The following ROR2 variants were observed in gnomAD, a reference collection of about 807,000 sequenced individuals.
ROR2 encodes the protein tyrosine-protein kinase transmembrane receptor ROR2.
In ROR2, 33 loss-of-function variants were observed where a neutral mutation model predicts 74.9. The ratio of observed to expected loss-of-function variants is 0.44; its 90% CI spans 0.33 to 0.59. The LOEUF (loss-of-function observed/expected upper bound fraction) is 0.59. ROR2 is among the 20% of genes least tolerant of loss of function. The pLI, the probability that ROR2 is intolerant of heterozygous loss-of-function variation, is 0.02. For synonymous variants in ROR2, 586 were observed against 558.7 expected (o/e 1.05, Z -0.69); for missense variants, 1,216 against 1,313.8 (o/e 0.93, Z 1.15).
chr9:91,765,804 G>A (rs1400574830), intron 2 of ROR2, among the ~76,000 whole-genome samples: 2 of 152,202 alleles, frequency 1.3e-5, no homozygotes, highest in Non-Finnish European at 2.9e-5. Context: ...GGAAACCCAA[G>A]GCTCTTGATG....
At chr9:91,803,830 C>G (rs772353639) in intron 1 of ROR2, among the ~76,000 whole-genome samples, 36 of 152,246 alleles carry the variant, frequency 2.4e-4, no homozygotes, top group Admixed American at 8.5e-4. Flanking sequence ...GACCTTCAGT[C>G]ATTTTCAAGA....
intron 1 of ROR2, among the ~76,000 whole-genome samples, chr9:91,928,813 G>C (rs1831475417): frequency 6.6e-6 from 1 of 152,200 alleles, no homozygotes; most frequent in Admixed American, 6.5e-5. Context: ...CCCGTTCAGT[G>C]GTGTCAATCA....
intron 1 of ROR2, among the ~76,000 whole-genome samples, chr9:91,793,448 A>G (rs1194280774): frequency 1.3e-5 from 2 of 152,168 alleles, no homozygotes; most frequent in East Asian, 1.9e-4. Context: ...ACTTAAGCAT[A>G]TAATACAAAA....
At chr9:91,855,327 T>G (rs947483965) in intron 1 of ROR2, among the ~76,000 whole-genome samples, 2 of 151,984 alleles carry the variant, frequency 1.3e-5, no homozygotes, top group Non-Finnish European at 2.9e-5. Context: ...CCCACAGGAG[T>G]GTCTGAGCGT....
intron 1 of ROR2, among the ~76,000 whole-genome samples, chr9:91,823,643 G>C (rs974099225): frequency 6.6e-6 from 1 of 152,194 alleles, no homozygotes; most frequent in Non-Finnish European, 1.5e-5. Flanking sequence ...GTGGGGGCAA[G>C]AAACAGCATA....
intron 1 of ROR2, among the ~76,000 whole-genome samples, chr9:91,790,116 C>A (rs1826922764): frequency 6.6e-6 from 1 of 152,128 alleles, no homozygotes; most frequent in Admixed American, 6.5e-5. Flanking sequence ...CTGGAAAATT[C>A]TTATCACCTA....
chr9:91,777,389 C>CCACACACA (rs112876626), intron 1 of ROR2, among the ~76,000 whole-genome samples: 1 of 149,840 alleles, frequency 6.7e-6, no homozygotes, highest in Non-Finnish European at 1.5e-5. Flanking sequence ...AACAAAACTG[C>CCACACACA]CACACACACA....
At chr9:91,892,055 A>G (rs192749275) in intron 1 of ROR2, among the ~76,000 whole-genome samples, 3,802 of 132,262 alleles carry the variant, frequency 0.029, 86 homozygotes, top group Admixed American at 0.086. Flanking sequence ...CTAAGAAGAA[A>G]AAAAAAAAAA....
intron 1 of ROR2, among the ~76,000 whole-genome samples, chr9:91,874,417 T>A (rs1007052784): frequency 6.7e-6 from 1 of 150,202 alleles, no homozygotes; most frequent in African/African-American, 2.5e-5. Flanking sequence ...AAGTATTTAA[T>A]TGATGAACTA....
At chr9:91,884,787 C>T (rs988126354) in intron 1 of ROR2, among the ~76,000 whole-genome samples, 7 of 150,524 alleles carry the variant, frequency 4.7e-5, no homozygotes, top group Non-Finnish European at 8.9e-5. Context: ...TTTTTTTTTT[C>T]TAAATGAATG....
In ROR2 at chr9:91,725,048, G is replaced by A; in HGVS notation, c.1446C>T (p.Asp482=). 6.2e-7 allele frequency: 1 copy of A among 1,614,026 alleles called. No individual in the cohort carries two copies. The highest frequency in any genetic ancestry group is 8.5e-7 in the Non-Finnish European group (1 of 1,180,052). The stretch of plus-strand genomic sequence containing the variant: ...GACCTTTGTAGACTTTCCCAAACCG[G>A]TCCTCTCCCAGCTCCTCCATGAACC... The part of the protein sequence containing the change: ...AVRFMEELGE[D]RFGKVYKGHL... The change falls in exon 9 of 9, where the codon GAC becomes GAT. Residue 482 remains aspartate (D), a synonymous_variant. Coordinates refer to ENST00000375708, the MANE Select transcript of ROR2 (RefSeq NM_004560.4).
chr9:91,723,681 T>C lies in ROR2; in HGVS notation c.2813A>G (p.Gln938Arg). Residue 938 changes from glutamine (Q) to arginine (R), a missense_variant, in exon 9 of 9, where the codon CAA becomes CGA. Physicochemically the swap from Gln to Arg is conservative, Grantham distance 43. Transcript: ENST00000375708. ...DCDTLQVDEA[Q>R]VQLEA is the part of the protein sequence containing the mutation. ...TGCCACTCAAGCTTCCAGCTGGACTTGGGCCTCGTCCACCTGCAGAGTGTC... is the reference window on the plus strand; with the variant it reads ...TGCCACTCAAGCTTCCAGCTGGACTCGGGCCTCGTCCACCTGCAGAGTGTC... 2 of 1,613,826 alleles carry C rather than the reference T, an allele frequency of 1.2e-6. No individual in the cohort carries two copies. The highest frequency in any genetic ancestry group is 8.5e-7 in the Non-Finnish European group (1 of 1,179,954).
At chr9:91,771,501 G>A (rs547729213) in intron 2 of ROR2, among the ~76,000 whole-genome samples, 46 of 152,300 alleles carry the variant, frequency 3.0e-4, no homozygotes, top group African/African-American at 1.1e-3. Context: ...ATGTAACAAC[G>A]AAGACAAAGC....
rs959844235 is a variant in ROR2, at chr9:91,873,520, G to A, written c.97+76347C>T. Among the ~76,000 whole-genome samples the A allele has an allele frequency of 7.2e-5, 11 of 152,252 alleles. 1 individual carries two copies. The highest frequency in any genetic ancestry group is 5.2e-4 in the Admixed American group (8 of 15,294). ...GGAGAATTGCTTGAACCCGGGAGGCGGAGGTTGCAGTGAGCCAAGATCGTG... is the reference window on the plus strand; with the variant it reads ...GGAGAATTGCTTGAACCCGGGAGGCAGAGGTTGCAGTGAGCCAAGATCGTG... On this transcript the variant is annotated intron_variant, in intron 1 of 8. Coordinates refer to ENST00000375708, the MANE Select transcript of ROR2 (RefSeq NM_004560.4).
intron 2 of ROR2, among the ~76,000 whole-genome samples, chr9:91,766,597 T>C (rs981246975): frequency 6.6e-6 from 1 of 152,216 alleles, no homozygotes; most frequent in Admixed American, 6.5e-5. Context: ...TATTTCTTTC[T>C]CCATTGGTGT....
intron 2 of ROR2, among the ~76,000 whole-genome samples, chr9:91,768,006 C>T (rs1315071924): frequency 6.6e-6 from 1 of 152,132 alleles, no homozygotes; most frequent in East Asian, 1.9e-4. Flanking sequence ...ACAACACTGT[C>T]CTTACAGGAA....
intron 1 of ROR2, among the ~76,000 whole-genome samples, chr9:91,859,138 A>G (rs1829390001): frequency 6.6e-6 from 1 of 152,044 alleles, no homozygotes; most frequent in Non-Finnish European, 1.5e-5. Flanking sequence ...AGGGCAAGGT[A>G]AAGACCCTAG....
chr9:91,935,291 G>C (rs1329236602), intron 1 of ROR2, among the ~76,000 whole-genome samples: 1 of 152,218 alleles, frequency 6.6e-6, no homozygotes, highest in Non-Finnish European at 1.5e-5. Flanking sequence ...CTGCCCTGCG[G>C]GCTCCACAAA....
At chr9:91,754,328 T>C (rs760939661) in intron 4 of ROR2, among the ~76,000 whole-genome samples, 6 of 151,296 alleles carry the variant, frequency 4.0e-5, no homozygotes, top group Non-Finnish European at 8.8e-5. Context: ...TATGTAACTA[T>C]ATATAAATGA....
Sources: allele counts gnomAD v4.1 joint callset (sites outside exome capture counted in the v4.1 genomes callset), GRCh38; gene constraint gnomAD v4.1.1; transcripts MANE v1.5; gene names NCBI Gene and HGNC (gene_info 2026-07-23, HGNC 2026-07-21).